The following MAML2 variants were observed in gnomAD, a reference collection of about 807,000 sequenced individuals.
MAML2 encodes mastermind-like protein 2.
MAML2 carries 22 observed loss-of-function variants against 96.1 expected under a neutral mutation model. The ratio of observed to expected loss-of-function variants is 0.23; its 90% CI spans 0.16 to 0.33. MAML2 has a LOEUF of 0.33. MAML2 is among the 10% of genes least tolerant of loss of function. The pLI, the probability that MAML2 is intolerant of heterozygous loss-of-function variation, is 1.00. For missense variants in MAML2, 1,367 were observed against 1,392.4 expected (o/e 0.98, Z 0.29); for synonymous variants, 561 against 521.3 (o/e 1.08, Z -1.04).
intron 1 of MAML2, among the ~76,000 whole-genome samples, chr11:96,191,251 G>A (rs1049124614): frequency 1.3e-5 from 2 of 152,020 alleles, no homozygotes; most frequent in Non-Finnish European, 2.9e-5. Flanking sequence ...GGATCACAAG[G>A]TCAAGAGATT....
intron 2 of MAML2, among the ~76,000 whole-genome samples, chr11:95,999,985 C>T (rs1384565411): frequency 6.6e-6 from 1 of 152,130 alleles, no homozygotes; most frequent in Non-Finnish European, 1.5e-5. Context: ...GAACTGTCTG[C>T]CGATGAAGCC....
chr11:96,040,230 A>T (rs1247278502), intron 2 of MAML2, among the ~76,000 whole-genome samples: 1 of 152,202 alleles, frequency 6.6e-6, no homozygotes, highest in Admixed American at 6.5e-5. Flanking sequence ...CTAATGAGGA[A>T]ATAATATAAT....
intron 2 of MAML2, among the ~76,000 whole-genome samples, chr11:96,067,838 A>G (rs1295124608): frequency 2.6e-5 from 4 of 152,220 alleles, no homozygotes; most frequent in Admixed American, 2.0e-4. Context: ...TTCAAATATT[A>G]TATTTTGCAA....
At chr11:96,189,474 G>C (rs938510723) in intron 1 of MAML2, among the ~76,000 whole-genome samples, 4 of 152,080 alleles carry the variant, frequency 2.6e-5, no homozygotes, top group African/African-American at 7.2e-5. Flanking sequence ...ACACTATTGC[G>C]GGATAGACTA....
At chr11:96,038,876 T>C (rs1294431962) in intron 2 of MAML2, among the ~76,000 whole-genome samples, 1 of 152,258 alleles carries the variant, frequency 6.6e-6, no homozygotes, top group Non-Finnish European at 1.5e-5. Context: ...ACCTTGTATC[T>C]TCAGCACTTA....
At chr11:96,127,116 T>C (rs576410458) in intron 1 of MAML2, among the ~76,000 whole-genome samples, 1 of 150,778 alleles carries the variant, frequency 6.6e-6, no homozygotes, top group South Asian at 2.1e-4. Flanking sequence ...AGAGTGTTGA[T>C]GGGCAAAATT....
intron 1 of MAML2, among the ~76,000 whole-genome samples, chr11:96,110,879 C>A: frequency 6.6e-6 from 1 of 152,154 alleles, no homozygotes; most frequent in Non-Finnish European, 1.5e-5. Context: ...TTCAAAGCAT[C>A]AGGATTGGGT....
intron 1 of MAML2, among the ~76,000 whole-genome samples, chr11:96,332,957 G>A (rs778444653): frequency 8.5e-5 from 13 of 152,092 alleles, no homozygotes; most frequent in Non-Finnish European, 1.5e-4. Context: ...ACAGACTCCC[G>A]GTAAGTTATT....
intron 1 of MAML2, among the ~76,000 whole-genome samples, chr11:96,229,619 A>G (rs904162152): frequency 1.3e-5 from 2 of 150,898 alleles, no homozygotes; most frequent in Admixed American, 6.6e-5. Flanking sequence ...TGCCTTGACT[A>G]CATATCGATT....
intron 1 of MAML2, among the ~76,000 whole-genome samples, chr11:96,142,483 G>A (rs772614661): frequency 5.9e-5 from 9 of 152,136 alleles, no homozygotes; most frequent in African/African-American, 1.9e-4. Flanking sequence ...CATGGTAAGC[G>A]TAAATGACAT....
chr11:96,085,706 T>C (rs1402850766), intron 2 of MAML2, among the ~76,000 whole-genome samples: 1 of 152,208 alleles, frequency 6.6e-6, no homozygotes, highest in African/African-American at 2.4e-5. Context: ...ACAGCTCTTA[T>C]TGATGGATGT....
At chr11:96,302,509 T>G (rs540925028) in intron 1 of MAML2, among the ~76,000 whole-genome samples, 3 of 152,258 alleles carry the variant, frequency 2.0e-5, no homozygotes, top group Admixed American at 2.0e-4. Context: ...ATCCAAGACA[T>G]ACTAAAGAAA....
chr11:96,022,240 G>A (rs1243225512), intron 2 of MAML2, among the ~76,000 whole-genome samples: 1 of 152,194 alleles, frequency 6.6e-6, no homozygotes, highest in African/African-American at 2.4e-5. Context: ...TATTCTGTCT[G>A]CCACAATGAT....
chr11:96,328,761 GT>G (rs1440582212), intron 1 of MAML2, among the ~76,000 whole-genome samples: 1 of 152,120 alleles, frequency 6.6e-6, no homozygotes, highest in African/African-American at 2.4e-5. Flanking sequence ...ACAGAGCTGA[GT>G]TTTAAGGGCT....
At chr11:96,223,572 AT>A (rs77850751) in intron 1 of MAML2, among the ~76,000 whole-genome samples, 1 of 150,564 alleles carries the variant, frequency 6.6e-6, no homozygotes, top group Non-Finnish European at 1.5e-5. Context: ...TTTGATTGTC[AT>A]TTTTTTTAAC....
intron 2 of MAML2, among the ~76,000 whole-genome samples, chr11:95,997,220 C>T (rs1405509751): frequency 6.6e-6 from 1 of 152,082 alleles, no homozygotes; most frequent in African/African-American, 2.4e-5. Flanking sequence ...ATCCAATCCT[C>T]CTGGGTTTTA....
At chr11:96,305,973 A>G (rs748046714) in intron 1 of MAML2, among the ~76,000 whole-genome samples, 1 of 152,216 alleles carries the variant, frequency 6.6e-6, no homozygotes, top group Non-Finnish European at 1.5e-5. Context: ...AATGTATCAT[A>G]TGAAACTTTA....
intron 2 of MAML2, among the ~76,000 whole-genome samples, chr11:96,061,223 T>C (rs1326811172): frequency 1.3e-5 from 2 of 152,244 alleles, no homozygotes; most frequent in Non-Finnish European, 2.9e-5. Flanking sequence ...TGTGAATTTG[T>C]CTTAAGCAAA....
chr11:96,021,657 T>A (rs1051279122), intron 2 of MAML2, among the ~76,000 whole-genome samples: 1 of 152,214 alleles, frequency 6.6e-6, no homozygotes, highest in African/African-American at 2.4e-5. Flanking sequence ...TCCTGGTTGG[T>A]GGCTGCTCCA....
Sources: gnomAD v4.1 joint callset for allele counts (sites outside exome capture counted in the v4.1 genomes callset) on GRCh38, gnomAD v4.1.1 for gene constraint, MANE v1.5 for transcripts, NCBI Gene and HGNC (gene_info 2026-07-23, HGNC 2026-07-21) for gene names.